Variants in MTOR observed in about 807,000 individuals in gnomAD.
MTOR encodes the protein serine/threonine-protein kinase mTOR.
In MTOR, 70 loss-of-function variants were observed where a neutral mutation model predicts 319.8. The observed-to-expected ratio is 0.22, with a 90% CI of 0.18 to 0.27. The LOEUF is 0.27. MTOR is among the 10% of genes least tolerant of loss of function. The probability of loss-of-function intolerance (pLI) is 1.00; values close to 1 mark genes in which losing one functional copy is unlikely to be tolerated. For synonymous variants in MTOR, 1,183 were observed against 1,211.4 expected, an observed-to-expected ratio of 0.98 and a Z score of 0.49; for missense variants, 1,890 against 3,274.4, an observed-to-expected ratio of 0.58 and a Z score of 10.32.
intron 31 of MTOR, among the ~76,000 whole-genome samples, chr1:11,148,276 C>A (rs1217107189): frequency 1.3e-5 from 2 of 152,148 alleles, no homozygotes; most frequent in African/African-American, 4.8e-5. Flanking sequence ...TCTGGAAACG[C>A]CTACCTCTAG....
rs551483015 is a variant in MTOR at position 11,213,032 on chromosome 1, G to C, written c.3286-124C>G. 211 of 697,416 alleles carry C rather than the reference G, an allele frequency of 3.0e-4. 5 individuals carry two copies. In the South Asian group the frequency reaches 3.8e-3, roughly 13 times the overall value. 43.2% of individuals were successfully genotyped at this position (697,416 alleles called of 1,614,324 possible). A position where few individuals can be genotyped will look rare whatever the true frequency, so the allele number is the denominator to read the frequency against. On this transcript the variant is annotated intron_variant, in intron 21 of 57. Coordinates refer to ENST00000361445, the MANE Select transcript of MTOR (RefSeq NM_004958.4). ...GACTGGGAAAACTCTTTATTAAATG[G>C]CCTTGAACTATATCCTTTTGATAGC...
chr1:11,190,474 G>C (rs1645483740), intron 28 of MTOR, among the ~76,000 whole-genome samples: 1 of 152,158 alleles, frequency 6.6e-6, no homozygotes, highest in Non-Finnish European at 1.5e-5. Flanking sequence ...TAAGTGTAGA[G>C]ACACATAACC....
At chr1:11,162,385 C>T (rs1644504682) in intron 29 of MTOR, among the ~76,000 whole-genome samples, 1 of 152,118 alleles carries the variant, frequency 6.6e-6, no homozygotes, top group Non-Finnish European at 1.5e-5. Flanking sequence ...GGAGAACTTC[C>T]CCAACCTAGC....
At chr1:11,151,338 G>A (rs17036414) in intron 30 of MTOR, among the ~76,000 whole-genome samples, 7,792 of 152,186 alleles carry the variant, frequency 0.051, 274 homozygotes, top group South Asian at 0.12. Context: ...TCAATACAGA[G>A]CTGAGACCAA....
intron 19 of MTOR, among the ~76,000 whole-genome samples, chr1:11,227,730 A>T (rs1646891997): frequency 6.6e-6 from 1 of 152,184 alleles, no homozygotes; most frequent in South Asian, 2.1e-4. Flanking sequence ...AATAAAATGG[A>T]GAAGGAATAG....
intron 29 of MTOR, among the ~76,000 whole-genome samples, chr1:11,159,088 G>A (rs1433356817): frequency 1.3e-5 from 2 of 152,238 alleles, no homozygotes; most frequent in African/African-American, 4.8e-5. Flanking sequence ...GGCATTCTGA[G>A]TATGGGGTAT....
At chr1:11,195,188 C>A (rs1645738614) in intron 28 of MTOR, 2 of 757,568 alleles carry the variant, frequency 2.6e-6, no homozygotes, top group Admixed American at 2.9e-5. Flanking sequence ...ATCATATGTA[C>A]CAAGGATGTT....
chr1:11,208,760 C>A (rs905240892), intron 25 of MTOR, among the ~76,000 whole-genome samples: 36 of 152,284 alleles, frequency 2.4e-4, no homozygotes, highest in African/African-American at 8.7e-4. Flanking sequence ...TAGGCTTTGG[C>A]CAGCAGAGAT....
chr1:11,129,134 G>GT lies in MTOR; in HGVS notation c.5715-184dup, dbSNP rs1557755284. ...GTGGCAGTGCTCTTGACTGAACACC[G>GT]TAAGAGTCACCCTGAGCAAATGAGC... is the stretch of plus-strand genomic sequence containing the variant. On this transcript the variant is annotated intron_variant, in intron 40 of 57. Coordinates refer to ENST00000361445, the MANE Select transcript of MTOR (RefSeq NM_004958.4). This position sits in a 1 kb window ranked among gnomAD's most constrained non-coding sequence, Gnocchi z 4.7. 1.3e-5 allele frequency among the ~76,000 whole-genome samples: 2 copies of GT among 152,144 alleles called. No individual in the cohort carries two copies. Among genetic ancestry groups the GT allele is most frequent in the African/African-American group, 4.8e-5 (2 of 41,414 alleles).
intron 32 of MTOR, 22 bp downstream of exon 32, chr1:11,146,654 C>T: frequency 6.3e-7 from 1 of 1,582,256 alleles, no homozygotes; most frequent in Non-Finnish European, 8.7e-7. Context: ...ACTGAGAGAT[C>T]TGGGTGCATG....
chr1:11,127,220 T>C lies in MTOR; in HGVS notation c.6217-76A>G, dbSNP rs529473619. On this transcript the variant is annotated intron_variant, in intron 44 of 57. Transcript: ENST00000361445. The surrounding 1 kb of genome is among the most constrained non-coding windows in gnomAD (Gnocchi z 5.5). Reference sequence around the variant, plus strand: ...CAGGAGGCAAAATCCCCAGGCTGACTGCAGATATTCCTCAGGAGCCCGCTG... The same window carrying C: ...CAGGAGGCAAAATCCCCAGGCTGACCGCAGATATTCCTCAGGAGCCCGCTG... 9.4e-6 allele frequency: 15 copies of C among 1,588,730 alleles called. No homozygotes were observed. In the East Asian group the frequency reaches 2.9e-4, roughly 31 times the overall value.
At chr1:11,147,411 G>A (rs1009991841) in intron 31 of MTOR, among the ~76,000 whole-genome samples, 40 of 152,160 alleles carry the variant, frequency 2.6e-4, no homozygotes, top group Admixed American at 2.4e-3. Context: ...AGCTGCATCC[G>A]GGAAGAGGTA....
At chr1:11,188,981 G>A (rs1021857515) in intron 28 of MTOR, among the ~76,000 whole-genome samples, 9 of 152,132 alleles carry the variant, frequency 5.9e-5, no homozygotes, top group African/African-American at 1.9e-4. Context: ...GGTGAGTAGC[G>A]TCTCTTTCGC....
At chr1:11,254,877 G>A (rs1368481824) in intron 5 of MTOR, among the ~76,000 whole-genome samples, 3 of 150,776 alleles carry the variant, frequency 2.0e-5, no homozygotes, top group South Asian at 2.1e-4. Context: ...CAATTCTCCC[G>A]CCTCAGCCTC....
intron 26 of MTOR, among the ~76,000 whole-genome samples, chr1:11,201,766 T>C (rs1018739302): frequency 1.3e-5 from 2 of 152,218 alleles, no homozygotes; most frequent in Non-Finnish European, 2.9e-5. Context: ...TTTACTTACA[T>C]TATATTATAA....
intron 21 of MTOR, 43 bp downstream of exon 21, chr1:11,213,356 G>A (rs1646369009): frequency 1.3e-6 from 2 of 1,587,008 alleles, no homozygotes; most frequent in Non-Finnish European, 1.7e-6. Context: ...GGGACTCAGA[G>A]GAAATCAGAA....
Position 11,106,688 on chromosome 1 carries a change from C to G in MTOR, c.*797G>C. On this transcript the variant is annotated 3_prime_UTR_variant, in exon 58 of 58. Transcript: ENST00000361445. ...TGTACCAGACCTTCCCTGTGTTCAGCACCTCCATGACAGTATTTCTGTTTT... is the reference window on the plus strand; with the variant it reads ...TGTACCAGACCTTCCCTGTGTTCAGGACCTCCATGACAGTATTTCTGTTTT... The G allele has an allele frequency of 8.6e-7, 1 of 1,159,406 alleles. No homozygotes were observed. The highest frequency in any genetic ancestry group is 2.7e-5 in the South Asian group (1 of 37,226). The allele number at this position is 1,159,406 out of a possible 1,614,324, so 71.8% of individuals were successfully genotyped here.
In MTOR at chr1:11,230,900, T is replaced by A. The variant is rs185890926; in HGVS notation, c.2779+25A>T. The A allele has an allele frequency of 1.6e-4, 261 of 1,613,102 alleles. 2 individuals are homozygous for A. In the African/African-American group the frequency reaches 2.9e-3, roughly 18 times the overall value. On this transcript the variant is annotated intron_variant, in intron 18 of 57. Coordinates refer to ENST00000361445, the MANE Select transcript of MTOR (RefSeq NM_004958.4). ...GCTCTGTGAGTGAGAACTTGGCAAG[T>A]CTTTCATGGCTACCCCCAACTTACA...
chr1:11,227,297 CAAAAAAAAAAAAA>C (rs59546882), intron 19 of MTOR, among the ~76,000 whole-genome samples: 1 of 74,052 alleles, frequency 1.4e-5, no homozygotes, highest in Admixed American at 1.4e-4. Flanking sequence ...GACTTTGTCT[CAAAAAAAAAAAAA>C]AAAAAAAAAA....
Sources: gnomAD v4.1 joint callset for allele counts (sites outside exome capture counted in the v4.1 genomes callset) on GRCh38, gnomAD v4.1.1 for gene constraint, Gnocchi (gnomAD v3.1) non-coding constraint, MANE v1.5 for transcripts, NCBI Gene and HGNC (gene_info 2026-07-23, HGNC 2026-07-21) for gene names.